SLC4A5: variants seen among roughly 807,000 people sequenced by gnomAD.
SLC4A5 encodes the protein solute carrier family 4 member 5.
In SLC4A5, 96 loss-of-function variants were observed where a neutral mutation model predicts 120.4. The observed-to-expected ratio is 0.80, with a 90% CI of 0.68 to 0.94. The LOEUF (loss-of-function observed/expected upper bound fraction) is 0.94, where lower values mean the gene tolerates loss of function less well. Ranked by LOEUF, SLC4A5 falls within the 40% of genes least tolerant of loss-of-function variation. SLC4A5 has a pLI of 0.00. For synonymous variants in SLC4A5, 550 were observed against 571.1 expected, an observed-to-expected ratio of 0.96 and a Z score of 0.53; for missense variants, 1,259 against 1,459.5, an observed-to-expected ratio of 0.86 and a Z score of 2.24.
At chr2:74,250,793 A>G (rs1439233085) in intron 16 of SLC4A5, 1 of 347,966 alleles carries the variant, frequency 2.9e-6, no homozygotes, top group East Asian at 5.6e-5. Context: ...CTAACATTCC[A>G]TGGAGAATGG....
At chr2:74,287,927 T>C (rs569025436) in intron 7 of SLC4A5, among the ~76,000 whole-genome samples, 1 of 152,106 alleles carries the variant, frequency 6.6e-6, no homozygotes, top group Non-Finnish European at 1.5e-5. Context: ...TTCTTTCTTT[T>C]ACCCATACTT....
At chr2:74,340,804 C>T (rs1281416878) in intron 2 of SLC4A5, among the ~76,000 whole-genome samples, 1 of 152,124 alleles carries the variant, frequency 6.6e-6, no homozygotes, top group Admixed American at 6.5e-5. Context: ...CCAGGGACTC[C>T]CCATCCAGAC....
intron 25 of SLC4A5, 90 bp from the exon 26 acceptor site, chr2:74,227,968 G>A: frequency 1.1e-6 from 1 of 909,138 alleles, no homozygotes. Context: ...TGACCACAGA[G>A]GCAGCTAGGA....
intron 5 of SLC4A5, among the ~76,000 whole-genome samples, chr2:74,322,373 AATG>A (rs1340331861): frequency 6.6e-6 from 1 of 152,194 alleles, no homozygotes; most frequent in African/African-American, 2.4e-5. Flanking sequence ...TGTAAAAGAA[AATG>A]ATATTATTTA....
chr2:74,267,726 T>C (rs1573044844), intron 8 of SLC4A5, among the ~76,000 whole-genome samples: 1 of 152,234 alleles, frequency 6.6e-6, no homozygotes. Flanking sequence ...CTGGGTGAGG[T>C]GGCTCACGCC....
intron 19 of SLC4A5, among the ~76,000 whole-genome samples, chr2:74,246,227 A>G (rs148309522): frequency 1.8e-3 from 277 of 152,346 alleles, no homozygotes; most frequent in African/African-American, 5.4e-3. Context: ...GGTTGACCCC[A>G]TCTGTACAGG....
chr2:74,252,112 T>C, intron 16 of SLC4A5, 67 bp downstream of exon 16: 1 of 1,543,374 alleles, frequency 6.5e-7, no homozygotes, highest in South Asian at 1.2e-5. Context: ...GAAAAGTCCC[T>C]AGAGGGCAGC....
At chr2:74,241,214 C>T (rs189213968) in intron 20 of SLC4A5, among the ~76,000 whole-genome samples, 2 of 151,566 alleles carry the variant, frequency 1.3e-5, no homozygotes, top group East Asian at 1.9e-4. Flanking sequence ...TTTACCATCC[C>T]TCATCTCTAC....
intron 27 of SLC4A5, among the ~76,000 whole-genome samples, chr2:74,225,281 G>T (rs577722369): frequency 1.3e-5 from 2 of 152,162 alleles, no homozygotes; most frequent in Non-Finnish European, 2.9e-5. Flanking sequence ...ATGGGCTGGA[G>T]AACTACAGTT....
exon 8 of SLC4A5, chr2:74,285,832 A>G (rs994878464): frequency 1.2e-6 from 2 of 1,612,500 alleles, no homozygotes; most frequent in African/African-American, 2.7e-5. Flanking sequence ...CCATCTCTGT[A>G]AAGAGGGTGG....
intron 3 of SLC4A5, among the ~76,000 whole-genome samples, chr2:74,336,950 G>C (rs916598093): frequency 1.3e-5 from 2 of 152,166 alleles, no homozygotes; most frequent in African/African-American, 4.8e-5. Flanking sequence ...TTTCCTTAGG[G>C]GAATAGAAGA....
intron 8 of SLC4A5, among the ~76,000 whole-genome samples, chr2:74,275,946 A>C (rs1671625119): frequency 6.6e-6 from 1 of 152,208 alleles, no homozygotes; most frequent in Non-Finnish European, 1.5e-5. Flanking sequence ...ACCACTTTGC[A>C]CATACCACCC....
rs774383013 is a variant in SLC4A5 at position 74,231,356 on chromosome 2, A to G, written c.2775-48T>C. 1.9e-5 allele frequency: 30 copies of G among 1,574,628 alleles called. No individual in the cohort carries two copies. The South Asian group carries it at 3.1e-4, about 16-fold the overall frequency. On this transcript the variant is annotated intron_variant, in intron 24 of 30. Coordinates refer to ENST00000394019, the Ensembl canonical transcript of SLC4A5. ...CAGGGTGTACCAGGAAATGCCTGGC[A>G]ACTACTCTGGCCCTCCTGCCCCTCT...
At chr2:74,263,035 C>T (rs756959135) in intron 10 of SLC4A5, among the ~76,000 whole-genome samples, 1 of 152,106 alleles carries the variant, frequency 6.6e-6, no homozygotes, top group Non-Finnish European at 1.5e-5. Context: ...AAACACTTCC[C>T]GTTGTTTTGG....
At position 74,250,274 on chromosome 2, in the gene SLC4A5, G is replaced by A. The variant is rs541788411; in HGVS notation, c.1653+69C>T. ...AACCTTGGTTTTGGGATTACAGGATGAAGCTTCCTGCTGCCACCAGGTGGC... is the reference window on the plus strand; with the variant it reads ...AACCTTGGTTTTGGGATTACAGGATAAAGCTTCCTGCTGCCACCAGGTGGC... On this transcript the variant is annotated intron_variant, in intron 17 of 30. Transcript: ENST00000394019. 2.6e-6 allele frequency: 4 copies of A among 1,544,156 alleles called. No individual in the cohort carries two copies. The African/African-American group carries it at 5.5e-5, about 21-fold the overall frequency.
At chr2:74,320,906 A>G (rs1673078982) in intron 5 of SLC4A5, among the ~76,000 whole-genome samples, 2 of 152,190 alleles carry the variant, frequency 1.3e-5, no homozygotes, top group South Asian at 4.1e-4. Context: ...CATAGAAAGG[A>G]AAAGTAATCA....
At position 74,255,631 on chromosome 2, in the gene SLC4A5, C is replaced by T. The variant is rs1022902222; in HGVS notation, c.1025+144G>A. Reference sequence around the variant, plus strand: ...TTTTTAATAAACTCTAAAACTCTTCCCTAGTCAGAAGATTTCCCTTCCCAG... The same window carrying T: ...TTTTTAATAAACTCTAAAACTCTTCTCTAGTCAGAAGATTTCCCTTCCCAG... On this transcript the variant is annotated intron_variant, in intron 13 of 30. Coordinates refer to ENST00000394019, the Ensembl canonical transcript of SLC4A5. This position sits in a 1 kb window ranked among gnomAD's most constrained non-coding sequence, Gnocchi z 4.0. 24 of 951,174 alleles carry T rather than the reference C, an allele frequency of 2.5e-5. No individual in the cohort carries two copies. The highest frequency in any genetic ancestry group is 3.4e-5 in the Non-Finnish European group (22 of 649,702). 58.9% of individuals were successfully genotyped at this position (951,174 alleles called of 1,614,324 possible). A position where few individuals can be genotyped will look rare whatever the true frequency, so the allele number is the denominator to read the frequency against.
chr2:74,307,552 C>A (rs548597361), intron 6 of SLC4A5: 2 of 641,646 alleles, frequency 3.1e-6, no homozygotes, highest in South Asian at 2.8e-5. Flanking sequence ...TGGGCACTGT[C>A]GATCTGCACA....
chr2:74,265,207 G>A (rs370072549), exon 9 of SLC4A5: 13 of 1,614,112 alleles, frequency 8.1e-6, no homozygotes, highest in Admixed American at 3.3e-5. Flanking sequence ...GTGTGGACAC[G>A]TGGGGCTTGC....
Sources: gnomAD v4.1 joint callset for allele counts (sites outside exome capture counted in the v4.1 genomes callset) on GRCh38, gnomAD v4.1.1 for gene constraint, Gnocchi (gnomAD v3.1) non-coding constraint, MANE v1.5 for transcripts, NCBI Gene and HGNC (gene_info 2026-07-23, HGNC 2026-07-21) for gene names.